DCAF8L2: variants seen among roughly 807,000 people sequenced by gnomAD.
DCAF8L2 encodes the protein DDB1- and CUL4-associated factor 8-like protein 2.
For synonymous variants in DCAF8L2, 200 were observed against 190.9 expected (o/e 1.05, Z -0.39); for missense variants, 430 against 490.7 (o/e 0.88, Z 1.17).
chrX:27,590,835 G>A (rs1926036631), intron 1 of DCAF8L2, among the ~76,000 whole-genome samples: 1 of 106,690 alleles, frequency 9.4e-6, no homozygotes, highest in Admixed American at 1.0e-4. Flanking sequence ...ATTGAAATGG[G>A]GTCTTGCTTT....
chrX:27,639,900 CGTT>C (rs1267182003), intron 2 of DCAF8L2, among the ~76,000 whole-genome samples: 1 of 110,976 alleles, frequency 9.0e-6, no homozygotes, highest in East Asian at 2.8e-4. Flanking sequence ...ATGTTTCAGG[CGTT>C]GTACTATTTA....
At chrX:27,671,445 G>A (rs1454704541) in intron 2 of DCAF8L2, among the ~76,000 whole-genome samples, 4 of 111,879 alleles carry the variant, frequency 3.6e-5, no homozygotes, top group Non-Finnish European at 7.5e-5. Flanking sequence ...AATTTCTAAT[G>A]TGCTTTAAAG....
chrX:27,681,526 A>G (rs1016424629), intron 3 of DCAF8L2, among the ~76,000 whole-genome samples: 3 of 111,864 alleles, frequency 2.7e-5, no homozygotes, highest in Admixed American at 9.6e-5. Flanking sequence ...ACAAAAATAT[A>G]CAGTACATCT....
intron 2 of DCAF8L2, among the ~76,000 whole-genome samples, chrX:27,650,984 A>G (rs1333069567): frequency 1.8e-5 from 2 of 111,390 alleles, no homozygotes; most frequent in African/African-American, 3.3e-5. Context: ...TGCCTAATTT[A>G]TTGATGGTGT....
At chrX:27,490,623 G>A in the DCAF8L2 span, among the ~76,000 whole-genome samples, 22 of 109,986 alleles carry the variant, frequency 2.0e-4, no homozygotes, top group Admixed American at 1.3e-3. Flanking sequence ...CACCACGCCT[G>A]GCTAACTTTT....
At chrX:27,578,905 A>C in the DCAF8L2 span, among the ~76,000 whole-genome samples, 3 of 110,884 alleles carry the variant, frequency 2.7e-5, no homozygotes, top group Admixed American at 1.9e-4. Flanking sequence ...AAAAAAAAAA[A>C]AAACAGATGC....
At chrX:27,629,146 A>C (rs984855572) in intron 1 of DCAF8L2, among the ~76,000 whole-genome samples, 1 of 111,521 alleles carries the variant, frequency 9.0e-6, no homozygotes, top group African/African-American at 3.3e-5. Flanking sequence ...ACAGTTGACA[A>C]ATTTTTTCCC....
chrX:27,734,214 C>G (rs113707046), intron 4 of DCAF8L2, among the ~76,000 whole-genome samples: 1 of 38,491 alleles, frequency 2.6e-5, no homozygotes, highest in Non-Finnish European at 4.5e-5. Context: ...AGAAATTAAA[C>G]CCCATCTAAA....
chrX:27,539,080 C>T, the DCAF8L2 span, among the ~76,000 whole-genome samples: 158 of 110,966 alleles, frequency 1.4e-3, no homozygotes, highest in African/African-American at 5.0e-3. Flanking sequence ...AACTCCTGGG[C>T]TCAAATTATC....
intron 4 of DCAF8L2, among the ~76,000 whole-genome samples, chrX:27,743,211 C>A (rs761231033): frequency 2.7e-5 from 3 of 109,367 alleles, no homozygotes; most frequent in Admixed American, 9.7e-5. Flanking sequence ...CTCAGCCTCC[C>A]GGGTAGCTGG....
At position 27,604,246 on chromosome X, in the gene DCAF8L2, A is replaced by G. The variant is rs1302667257; in HGVS notation, c.-342+13806A>G. ...TAAGGTAGCTAAAGCATTACCTTAT[A>G]TCTTTACTTGCCATGAACAGTGAAC... On this transcript the variant is annotated intron_variant, in intron 1 of 4. Transcript: ENST00000451261. 3.6e-5 allele frequency among the ~76,000 whole-genome samples: 4 copies of G among 111,441 alleles called. No individual in the cohort carries two copies. The East Asian group carries it at 1.1e-3, about 31-fold the overall frequency.
intron 4 of DCAF8L2, among the ~76,000 whole-genome samples, chrX:27,734,204 A>G (rs1242396483): frequency 1.4e-5 from 1 of 73,401 alleles, no homozygotes; most frequent in African/African-American, 8.6e-5. Context: ...GGCAAGAAAA[A>G]GAAATTAAAC....
chrX:27,628,581 T>C (rs931990921), intron 1 of DCAF8L2, among the ~76,000 whole-genome samples: 1 of 107,451 alleles, frequency 9.3e-6, no homozygotes, highest in African/African-American at 3.4e-5. Flanking sequence ...CTCCTCACCC[T>C]TGCCAACACT....
intron 2 of DCAF8L2, among the ~76,000 whole-genome samples, chrX:27,635,789 G>A (rs1928474689): frequency 4.9e-5 from 2 of 40,555 alleles, no homozygotes; most frequent in African/African-American, 8.4e-5. Flanking sequence ...CCTTTTACGT[G>A]TGTGTGTGTG....
the DCAF8L2 span, among the ~76,000 whole-genome samples, chrX:27,505,556 T>C: frequency 1.8e-5 from 2 of 111,972 alleles, no homozygotes; most frequent in African/African-American, 6.5e-5. Context: ...ATTTATCATT[T>C]GATCACACAA....
the DCAF8L2 span, among the ~76,000 whole-genome samples, chrX:27,530,289 T>TGCAAGATCTTCCCA: frequency 5.2e-3 from 575 of 110,354 alleles, 3 homozygotes; most frequent in Non-Finnish European, 7.5e-3. Flanking sequence ...AGAAGTCCCT[T>TGCAAGATCTTCCCA]GCAAGATCTT....
the DCAF8L2 span, among the ~76,000 whole-genome samples, chrX:27,525,037 C>A: frequency 2.7e-5 from 3 of 111,792 alleles, no homozygotes; most frequent in Admixed American, 2.8e-4. Flanking sequence ...CTGTAGATGT[C>A]TATTTGGTCT....
chrX:27,524,416 CTCTTT>C, the DCAF8L2 span, among the ~76,000 whole-genome samples: 1 of 111,314 alleles, frequency 9.0e-6, no homozygotes, highest in East Asian at 2.8e-4. Context: ...TGATTTTTCT[CTCTTT>C]TCTTTTTTAT....
the DCAF8L2 span, among the ~76,000 whole-genome samples, chrX:27,498,222 T>C: frequency 8.9e-6 from 1 of 112,377 alleles, no homozygotes; most frequent in Non-Finnish European, 1.9e-5. Context: ...ATGTAGTAGT[T>C]CTATTTTTAA....
Sources: gnomAD v4.1 joint callset for allele counts (sites outside exome capture counted in the v4.1 genomes callset) on GRCh38, gnomAD v4.1.1 for gene constraint, MANE v1.5 for transcripts, NCBI Gene and HGNC (gene_info 2026-07-23, HGNC 2026-07-21) for gene names.